The following INO80 variants were observed in gnomAD, a reference collection of about 807,000 sequenced individuals.
INO80 encodes INO80 complex ATPase subunit.
Under a neutral mutation model 203.4 loss-of-function variants are expected in INO80, and 20 were observed. That is an observed-to-expected ratio of 0.10 (90% CI 0.07 to 0.14). The LOEUF is 0.14. Among genes scored for constraint, INO80 ranks in the 10% least tolerant of loss-of-function variants. The pLI is 1.00. For missense variants in INO80, 1,419 were observed against 1,914.4 expected (o/e 0.74, Z 4.83); for synonymous variants, 726 against 685.2 (o/e 1.06, Z -0.93).
At chr15:41,032,727 C>T (rs1033853490) in intron 24 of INO80, among the ~76,000 whole-genome samples, 2 of 152,104 alleles carry the variant, frequency 1.3e-5, no homozygotes, top group African/African-American at 4.8e-5. Context: ...TCACTTGACT[C>T]ACTAGAACTG....
intron 24 of INO80, among the ~76,000 whole-genome samples, chr15:41,036,396 C>G (rs2044576906): frequency 6.6e-6 from 1 of 152,062 alleles, no homozygotes; most frequent in Non-Finnish European, 1.5e-5. Context: ...CCTTACTACC[C>G]AAGGAACGTG....
intron 11 of INO80, among the ~76,000 whole-genome samples, chr15:41,072,641 C>CAAAA (rs747499405): frequency 2.2e-5 from 1 of 45,972 alleles, no homozygotes; most frequent in Non-Finnish European, 4.6e-5. Flanking sequence ...ACTCCCGCCT[C>CAAAA]AAAAAAAAAA....
At chr15:40,982,288 A>T (rs1358010859) in intron 35 of INO80, among the ~76,000 whole-genome samples, 1 of 152,194 alleles carries the variant, frequency 6.6e-6, no homozygotes, top group African/African-American at 2.4e-5. Context: ...CTGGGACTAC[A>T]GGCGTGAGCC....
chr15:41,114,862 TAAGACTG>T (rs992481508), intron 1 of INO80, among the ~76,000 whole-genome samples: 2 of 152,192 alleles, frequency 1.3e-5, no homozygotes, highest in African/African-American at 4.8e-5. Flanking sequence ...AATAGTTACC[TAAGACTG>T]GAGGGAGGGG....
At chr15:41,027,470 A>T in intron 25 of INO80, 126 bp downstream of exon 25, 1 of 791,068 alleles carries the variant, frequency 1.3e-6, no homozygotes, top group Non-Finnish European at 1.9e-6. Flanking sequence ...TTAAAATACT[A>T]GAATTTATAT....
intron 16 of INO80, among the ~76,000 whole-genome samples, chr15:41,057,474 A>T (rs1473864271): frequency 6.6e-6 from 1 of 151,072 alleles, no homozygotes; most frequent in Non-Finnish European, 1.5e-5. Context: ...AAAAAAAAAA[A>T]AAAGATTGCT....
At chr15:41,080,633 A>G (rs1363299939) in intron 8 of INO80, among the ~76,000 whole-genome samples, 1 of 152,218 alleles carries the variant, frequency 6.6e-6, no homozygotes, top group Non-Finnish European at 1.5e-5. Context: ...AGGCAGGCAG[A>G]TCACCTGAGG....
rs190605737 is a variant in INO80 at position 41,106,494 on chromosome 15, A to G, written c.-44+9479T>C. On this transcript the variant is annotated intron_variant, in intron 1 of 35. Transcript: ENST00000648947. ...CAGTGAGCATACAGTAAACTCATAT[A>G]GTGGCATACCTGTAGTCCCAGCCCC... 2.6e-5 allele frequency among the ~76,000 whole-genome samples: 4 copies of G among 151,912 alleles called. No homozygotes were observed. The East Asian group carries it at 5.8e-4, about 22-fold the overall frequency.
intron 24 of INO80, among the ~76,000 whole-genome samples, chr15:41,041,080 C>T (rs968000091): frequency 9.9e-5 from 15 of 152,176 alleles, no homozygotes; most frequent in African/African-American, 3.1e-4. Context: ...CCTGCAAAGA[C>T]GTAGAGGGTC....
chr15:41,041,688 C>T (rs2044670553), intron 24 of INO80, among the ~76,000 whole-genome samples: 5 of 152,100 alleles, frequency 3.3e-5, no homozygotes, highest in Admixed American at 3.3e-4. Flanking sequence ...GGTGCTCTGC[C>T]CGCCTTGGCC....
chr15:41,033,136 G>A (rs1353368482), intron 24 of INO80, among the ~76,000 whole-genome samples: 1 of 152,158 alleles, frequency 6.6e-6, no homozygotes, highest in African/African-American at 2.4e-5. Context: ...ACAGGAGACA[G>A]AATCAATACT....
intron 1 of INO80, among the ~76,000 whole-genome samples, chr15:41,115,379 G>A (rs762453598): frequency 1.1e-4 from 16 of 152,114 alleles, no homozygotes; most frequent in Non-Finnish European, 1.8e-4. Flanking sequence ...TTTCCTAGTC[G>A]CTATGTAAAA....
intron 28 of INO80, among the ~76,000 whole-genome samples, chr15:41,002,810 A>C (rs1436058471): frequency 2.6e-5 from 4 of 152,222 alleles, no homozygotes; most frequent in Non-Finnish European, 5.9e-5. Flanking sequence ...ATCATTAAAA[A>C]TGTTGTCGGC....
chr15:41,114,819 C>CT lies in INO80; in HGVS notation c.-44+1153dup, dbSNP rs573901098. On this transcript the variant is annotated intron_variant, in intron 1 of 35. Transcript: ENST00000648947. The stretch of plus-strand genomic sequence containing the variant: ...TAGGCAAAGAAAGATACATATGTTT[C>CT]TTTTTTAGGTAAATTTAGGCAAAAA... Among the ~76,000 whole-genome samples, 409 of 151,864 alleles carry CT rather than the reference C, an allele frequency of 2.7e-3. 3 individuals are homozygous for CT. Among genetic ancestry groups the CT allele is most frequent in the South Asian group, 0.013 (62 of 4,810 alleles).
intron 1 of INO80, among the ~76,000 whole-genome samples, chr15:41,098,242 A>T (rs1421350899): frequency 6.6e-6 from 1 of 152,218 alleles, no homozygotes; most frequent in Non-Finnish European, 1.5e-5. Flanking sequence ...TATCTAAAAC[A>T]GTGTAACTTC....
chr15:41,010,158 C>T (rs1182339288), intron 27 of INO80, among the ~76,000 whole-genome samples: 1 of 152,104 alleles, frequency 6.6e-6, no homozygotes, highest in East Asian at 1.9e-4. Flanking sequence ...CCACACACCA[C>T]ATCAGTGGCA....
intron 1 of INO80, among the ~76,000 whole-genome samples, chr15:41,114,043 T>C (rs751091902): frequency 6.6e-5 from 10 of 151,544 alleles, no homozygotes; most frequent in Non-Finnish European, 1.2e-4. Context: ...CCAAGGTAGG[T>C]GGATCACGAG....
intron 25 of INO80, among the ~76,000 whole-genome samples, chr15:41,021,558 C>G (rs2044294917): frequency 6.6e-6 from 1 of 152,190 alleles, no homozygotes. Context: ...GAATATTGGC[C>G]TGGCATATTT....
chr15:41,022,308 C>T (rs940220904), intron 25 of INO80, among the ~76,000 whole-genome samples: 2 of 152,132 alleles, frequency 1.3e-5, no homozygotes, highest in African/African-American at 4.8e-5. Context: ...TCTATCATTT[C>T]GTGGAAGTTA....
Sources: gnomAD v4.1 joint callset for allele counts (sites outside exome capture counted in the v4.1 genomes callset) on GRCh38, gnomAD v4.1.1 for gene constraint, MANE v1.5 for transcripts, NCBI Gene and HGNC (gene_info 2026-07-23, HGNC 2026-07-21) for gene names.